The following CARMIL2 variants were observed in gnomAD, a reference collection of about 807,000 sequenced individuals.
The protein encoded by CARMIL2 is capping protein regulator and myosin 1 linker 2, also known as capping protein, Arp2/3 and myosin-I linker protein 2.
A neutral mutation model predicts 173.3 loss-of-function variants in CARMIL2; 96 were observed. That is an observed-to-expected ratio of 0.55 (90% CI 0.47 to 0.66). The LOEUF (loss-of-function observed/expected upper bound fraction) is 0.66, where lower values mean the gene tolerates loss of function less well. Ranked by LOEUF, CARMIL2 falls within the 30% of genes least tolerant of loss-of-function variation. CARMIL2 has a pLI of 0.00. For missense variants in CARMIL2, 1,771 were observed against 1,906.7 expected (o/e 0.93, Z 1.33); for synonymous variants, 830 against 817.1 (o/e 1.02, Z -0.27).
At position 67,648,281 on chromosome 16, in the gene CARMIL2, A is replaced by G. The variant is rs992954364; in HGVS notation, c.1301A>G (p.His434Arg). 62 of 1,594,834 alleles carry G rather than the reference A, an allele frequency of 3.9e-5. No homozygotes were observed. Among genetic ancestry groups the G allele is most frequent in the Non-Finnish European group, 5.0e-5 (59 of 1,176,336 alleles). ...CGAGGCTGCTGCACCAGCCTTACCC[A>G]CCTCGACGCTTCGAGGAACGTCTTC... ...VSRGCCTSLT[H>R]LDASRNVFSR... Residue 434 changes from histidine (H) to arginine (R), a missense_variant, in exon 14 of 38, where the codon CAC becomes CGC. This residue lies in a region of CARMIL2 where 944 missense variants were observed against 975.6 expected (regional missense o/e 0.97). Coordinates refer to ENST00000334583, the MANE Select transcript of CARMIL2 (RefSeq NM_001013838.3). This position sits in a 1 kb window ranked among gnomAD's most constrained non-coding sequence, Gnocchi z 6.1.
In CARMIL2 at chr16:67,653,853, G is replaced by C. The variant is rs951768929; in HGVS notation, c.3121-296G>C. 6.6e-6 allele frequency among the ~76,000 whole-genome samples: 1 copy of C among 152,114 alleles called. No individual in the cohort carries two copies. The highest frequency in any genetic ancestry group is 2.4e-5 in the African/African-American group (1 of 41,430). On this transcript the variant is annotated intron_variant, in intron 29 of 37. Transcript: ENST00000334583. The surrounding 1 kb of genome is among the most constrained non-coding windows in gnomAD (Gnocchi z 7.4). Reference sequence around the variant, plus strand: ...TGGCAAGTGGGAACGGGTGACCCCGGGGGCACGTGAGGGCTAGGTTTGCTG... The same window carrying C: ...TGGCAAGTGGGAACGGGTGACCCCGCGGGCACGTGAGGGCTAGGTTTGCTG...
chr16:67,655,385 G>A (rs557947556), intron 32 of CARMIL2, among the ~76,000 whole-genome samples: 3 of 152,318 alleles, frequency 2.0e-5, no homozygotes, highest in South Asian at 4.1e-4. Flanking sequence ...AGCCTAGATC[G>A]TGCCACTACA....
rs568724376 is a variant in CARMIL2, at chr16:67,647,163, G to A, written c.659G>A (p.Arg220Gln). The change falls in exon 9 of 38, where the codon CGG (arginine) becomes CAG (glutamine). Residue 220 changes from arginine to glutamine, a missense_variant. Physicochemically the swap from Arg to Gln is conservative, Grantham distance 43. Transcript: ENST00000334583. ...VAALSYNLWF[R>Q]CLSCVDMKLS... is the part of the protein sequence containing the mutation. ...GCCCTGTCCTACAACCTGTGGTTCC[G>A]GTGCCTCTCCTGTGTGGACATGAAG... The A allele has an allele frequency of 2.5e-5, 41 of 1,613,828 alleles. No individual in the cohort carries two copies. Among genetic ancestry groups the A allele is most frequent in the South Asian group, 5.5e-5 (5 of 91,092 alleles).
chr16:67,650,468 C>A, intron 22 of CARMIL2: 1 of 409,884 alleles, frequency 2.4e-6, no homozygotes, highest in Non-Finnish European at 4.5e-6. Flanking sequence ...CCTCCCCTCT[C>A]CATTGTGTGC....
chr16:67,650,612 C>T, intron 22 of CARMIL2: 1 of 189,690 alleles, frequency 5.3e-6, no homozygotes, highest in East Asian at 1.4e-4. Context: ...TCCAGACATC[C>T]TGCTGGGCTT....
chr16:67,648,866 T>TTCCCACC lies in CARMIL2; in HGVS notation c.1510-13_1510-7dup, dbSNP rs745334828. 2.4e-5 allele frequency: 39 copies of TTCCCACC among 1,592,392 alleles called. No individual in the cohort carries two copies. The highest frequency in any genetic ancestry group is 7.0e-5 in the Admixed American group (4 of 56,816). ...CACTCGCGGCCTAAGTGGGTCCCAC[T>TTCCCACC]TCCCACCTCCCACCTCCCACATACA... is the stretch of plus-strand genomic sequence containing the variant. On this transcript the variant is annotated intron_variant, in intron 16 of 37. Coordinates refer to ENST00000334583, the MANE Select transcript of CARMIL2 (RefSeq NM_001013838.3). This position sits in a 1 kb window ranked among gnomAD's most constrained non-coding sequence, Gnocchi z 6.1.
rs1379998885 is a variant in CARMIL2, at chr16:67,649,463, C to T, written c.1763C>T (p.Ser588Leu). The T allele has an allele frequency of 6.2e-7, 1 of 1,611,880 alleles. No individual in the cohort carries two copies. The highest frequency in any genetic ancestry group is 1.1e-5 in the South Asian group (1 of 91,080). ...QDDDCPLQSL[S>L]VAESRLKLGA... ...TAACCCCAGCCTCTTCAGTCTCTGT[C>T]GGTGGCTGAGTCTCGGCTGAAGCTG... is the stretch of plus-strand genomic sequence containing the variant. The change falls in exon 20 of 38, where the codon TCG becomes TTG. Residue 588 changes from serine (S) to leucine (L), a missense_variant. By Grantham distance (145) the Ser-to-Leu change is moderately radical. Transcript: ENST00000334583. The surrounding 1 kb of genome is among the most constrained non-coding windows in gnomAD (Gnocchi z 6.7).
chr16:67,653,131 C>A lies in CARMIL2; in HGVS notation c.2997C>A (p.Pro999=). Reference sequence around the variant, plus strand: ...CTCCGAGCCCTGCCGCCCCTGGGCCCCCGGCCGGCCCGCTGCCCCGCATGG... The same window carrying A: ...CTCCGAGCCCTGCCGCCCCTGGGCCACCGGCCGGCCCGCTGCCCCGCATGG... The part of the protein sequence containing the change: ...RGSPSPAAPG[P]PAGPLPRMDL... Residue 999 remains proline, a synonymous_variant, in exon 29 of 38, where the codon CCC becomes CCA. Coordinates refer to ENST00000334583, the MANE Select transcript of CARMIL2 (RefSeq NM_001013838.3). This position sits in a 1 kb window ranked among gnomAD's most constrained non-coding sequence, Gnocchi z 7.4. 9.0e-7 allele frequency: 1 copy of A among 1,115,888 alleles called. No homozygotes were observed. Among genetic ancestry groups the A allele is most frequent in the Non-Finnish European group, 1.1e-6 (1 of 913,392 alleles). The allele number at this position is 1,115,888 out of a possible 1,614,324, so 69.1% of individuals were successfully genotyped here.
rs1567629236 is a variant in CARMIL2, at chr16:67,648,401, G to C, written c.1338G>C (p.Lys446Asn). ...CCCACCTTCCCACTTCCCCCAGGAA[G>C]TCCCGCGCCGCGCCGGCCGCGCTGC... ...DASRNVFSRT[K>N]SRAAPAALQL... is the part of the protein sequence containing the mutation. The change falls in exon 15 of 38, where the codon AAG (lysine) becomes AAC (asparagine). Residue 446 changes from lysine to asparagine, a missense_variant. Coordinates refer to ENST00000334583, the MANE Select transcript of CARMIL2 (RefSeq NM_001013838.3). The surrounding 1 kb of genome is among the most constrained non-coding windows in gnomAD (Gnocchi z 6.1). The C allele has an allele frequency of 3.9e-6, 6 of 1,530,108 alleles. No homozygotes were observed. Among genetic ancestry groups the C allele is most frequent in the Non-Finnish European group, 3.5e-6 (4 of 1,144,712 alleles). 94.8% of individuals were successfully genotyped at this position (1,530,108 alleles called of 1,614,324 possible).
At position 67,651,282 on chromosome 16, in the gene CARMIL2, G is replaced by A; in HGVS notation, c.2280G>A (p.Glu760=). Residue 760 remains glutamate (E), a synonymous_variant, in exon 23 of 38, where the codon GAG becomes GAA. Transcript: ENST00000334583. This position sits in a 1 kb window ranked among gnomAD's most constrained non-coding sequence, Gnocchi z 4.2. ...PQGEAAVRQA[E]DAIQNANFSL... ...GTGAAGCCGCTGTGCGCCAGGCCGAGGATGCCATCCAAAATGCCAACTTCT... is the reference window on the plus strand; with the variant it reads ...GTGAAGCCGCTGTGCGCCAGGCCGAAGATGCCATCCAAAATGCCAACTTCT... 6.2e-7 allele frequency: 1 copy of A among 1,613,696 alleles called. No individual in the cohort carries two copies. Among genetic ancestry groups the A allele is most frequent in the Non-Finnish European group, 8.5e-7 (1 of 1,179,876 alleles).
chr16:67,654,602 C>T lies in CARMIL2; in HGVS notation c.3492C>T (p.Ser1164=), dbSNP rs1319533493. The change falls in exon 31 of 38, where the codon AGC becomes AGT. Residue 1164 remains serine (S), a synonymous_variant. Transcript: ENST00000334583. ...DTSSPDPAGR[S]RPRYTRDSKA... The stretch of plus-strand genomic sequence containing the variant: ...GCAGCCCTGACCCTGCCGGCAGGAG[C>T]CGACCTCGCTACACAAGAGATAGCA... The T allele has an allele frequency of 6.2e-7, 1 of 1,605,670 alleles. No individual in the cohort carries two copies. Among genetic ancestry groups the T allele is most frequent in the Non-Finnish European group, 8.5e-7 (1 of 1,175,654 alleles).
chr16:67,650,507 C>T, intron 22 of CARMIL2: 1 of 339,802 alleles, frequency 2.9e-6, no homozygotes, highest in Admixed American at 4.5e-5. Context: ...TCACTGTCTT[C>T]ATCTCCCTCC....
chr16:67,654,793 C>A lies in CARMIL2; in HGVS notation c.3598C>A (p.Arg1200=), dbSNP rs749504681. 4 of 1,613,254 alleles carry A rather than the reference C, an allele frequency of 2.5e-6. No homozygotes were observed. The highest frequency in any genetic ancestry group is 2.5e-6 in the Non-Finnish European group (3 of 1,179,874). Residue 1200 remains arginine (R), a synonymous_variant, in exon 32 of 38, where the codon CGG becomes AGG. Coordinates refer to ENST00000334583, the MANE Select transcript of CARMIL2 (RefSeq NM_001013838.3). ...ARPDKRRPLE[R]GETELAPSFE... ...CTGTCCCTAGCGGCGGCCCCTGGAG[C>A]GGGGAGAAACAGAACTGGCTCCATC...
chr16:67,647,186 A>G lies in CARMIL2; in HGVS notation c.682A>G (p.Lys228Glu). 6.2e-7 allele frequency: 1 copy of G among 1,613,708 alleles called. No homozygotes were observed. ...CCGGTGCCTCTCCTGTGTGGACATGAAGCTGGTGAGGGGGTTCGGGGTAAG... is the reference window on the plus strand; with the variant it reads ...CCGGTGCCTCTCCTGTGTGGACATGGAGCTGGTGAGGGGGTTCGGGGTAAG... ...WFRCLSCVDMKLSLEVSEQIL... is the reference protein window; with the variant it reads ...WFRCLSCVDMELSLEVSEQIL... The change falls in exon 9 of 38, where the codon AAG (lysine) becomes GAG (glutamate). Residue 228 changes from lysine to glutamate, a missense_variant. Lys to Glu is a moderately conservative substitution (Grantham distance 56, BLOSUM62 1). This residue lies in a region of CARMIL2 where 944 missense variants were observed against 975.6 expected (regional missense o/e 0.97). Transcript: ENST00000334583.
At position 67,656,218 on chromosome 16, in the gene CARMIL2, C is replaced by T. The variant is rs191216474; in HGVS notation, c.3743-10C>T. 1.3e-4 allele frequency: 202 copies of T among 1,613,904 alleles called. No individual in the cohort carries two copies. Among genetic ancestry groups the T allele is most frequent in the Admixed American group, 1.2e-4 (7 of 60,022 alleles). On this transcript the variant is annotated splice_polypyrimidine_tract_variant and intron_variant, in intron 33 of 37. Transcript: ENST00000334583. ...GGTCTGGTACCTGAGTCCCCAGCTC[C>T]GCCTTGCAGGTGACATTATGGACAG...
rs992965593 is a variant in CARMIL2, at chr16:67,648,466, G to C, written c.1403G>C (p.Gly468Ala). 4 of 1,441,242 alleles carry C rather than the reference G, an allele frequency of 2.8e-6. No individual in the cohort carries two copies. The highest frequency in any genetic ancestry group is 3.6e-6 in the Non-Finnish European group (4 of 1,106,472). 89.3% of individuals were successfully genotyped at this position (1,441,242 alleles called of 1,614,324 possible). The change falls in exon 15 of 38, where the codon GGC (glycine) becomes GCC (alanine). Residue 468 changes from glycine to alanine, a missense_variant. Physicochemically the swap from Gly to Ala is moderately conservative, Grantham distance 60. This residue lies in a region of CARMIL2 where 944 missense variants were observed against 975.6 expected (regional missense o/e 0.97). Transcript: ENST00000334583. The surrounding 1 kb of genome is among the most constrained non-coding windows in gnomAD (Gnocchi z 6.1). The stretch of plus-strand genomic sequence containing the variant: ...CGCGCGCGGACGCTGCGGCACCTGG[G>C]CCTGGCGGGCTGCAAGCTGCCGCCC... ...LSRARTLRHL[G>A]LAGCKLPPDA... is the part of the protein sequence containing the mutation.
At position 67,653,509 on chromosome 16, in the gene CARMIL2, C is replaced by T. The variant is rs2052770057; in HGVS notation, c.3120+255C>T. Among the ~76,000 whole-genome samples, 1 of 152,122 alleles carries T rather than the reference C, an allele frequency of 6.6e-6. No homozygotes were observed. The highest frequency in any genetic ancestry group is 2.1e-4 in the South Asian group (1 of 4,832). Reference sequence around the variant, plus strand: ...GACTCCGTCTCGGGGCGGCCCGCGGCCTCCGTGGCTGCGCGAGAGAGGGTG... The same window carrying T: ...GACTCCGTCTCGGGGCGGCCCGCGGTCTCCGTGGCTGCGCGAGAGAGGGTG... On this transcript the variant is annotated intron_variant, in intron 29 of 37. Coordinates refer to ENST00000334583, the MANE Select transcript of CARMIL2 (RefSeq NM_001013838.3). This position sits in a 1 kb window ranked among gnomAD's most constrained non-coding sequence, Gnocchi z 7.4.
chr16:67,648,053 G>A lies in CARMIL2; in HGVS notation c.1073G>A (p.Gly358Asp), dbSNP rs1362505412. The A allele has an allele frequency of 1.9e-6, 3 of 1,611,652 alleles. No homozygotes were observed. The highest frequency in any genetic ancestry group is 2.7e-5 in the African/African-American group (2 of 74,856). ...GALGASEDSG[G>D]LYSFLSRPNV... The stretch of plus-strand genomic sequence containing the variant: ...ATCGCACCCCTGTCCTCCCTCCAGG[G>A]CCTCTATAGCTTCCTGAGCCGTCCT... The change falls in exon 14 of 38, where the codon GGC (glycine) becomes GAC (aspartate). Residue 358 changes from glycine to aspartate, a missense_variant and splice_region_variant. Gly to Asp is a moderately conservative substitution (Grantham distance 94, BLOSUM62 -1). Coordinates refer to ENST00000334583, the MANE Select transcript of CARMIL2 (RefSeq NM_001013838.3). This position sits in a 1 kb window ranked among gnomAD's most constrained non-coding sequence, Gnocchi z 6.1.
rs766701226 is a variant in CARMIL2, at chr16:67,645,707, A to G, written c.133-17A>G. On this transcript the variant is annotated splice_polypyrimidine_tract_variant and intron_variant, in intron 2 of 37. Transcript: ENST00000334583. ...AGCCTCTTGCTCTGCCCAGGATATC[A>G]GACTGTCTTTCCCCAGGCACTGCTA... 1.2e-6 allele frequency: 2 copies of G among 1,613,568 alleles called. No individual in the cohort carries two copies. The highest frequency in any genetic ancestry group is 2.2e-5 in the East Asian group (1 of 44,876).
Sources: allele counts gnomAD v4.1 joint callset (sites outside exome capture counted in the v4.1 genomes callset), GRCh38; gene constraint gnomAD v4.1.1; regional missense constraint gnomAD v4.1.1; non-coding constraint Gnocchi (gnomAD v3.1); transcripts MANE v1.5; gene names NCBI Gene and HGNC (gene_info 2026-07-23, HGNC 2026-07-21).